TRAPPC13: variants seen among roughly 807,000 people sequenced by gnomAD.
The protein encoded by TRAPPC13 is trafficking protein particle complex subunit 13.
TRAPPC13 carries 39 observed loss-of-function variants against 54.0 expected under a neutral mutation model. The observed-to-expected ratio is 0.72, with a 90% CI of 0.56 to 0.94. The LOEUF (loss-of-function observed/expected upper bound fraction) is 0.94, where lower values mean the gene tolerates loss of function less well. TRAPPC13 is among the 40% of genes least tolerant of loss of function. The pLI is 0.00. For missense variants in TRAPPC13, 386 were observed against 488.1 expected (o/e 0.79, Z 1.97); for synonymous variants, 148 against 167.7 (o/e 0.88, Z 0.91).
intron 3 of TRAPPC13, 90 bp downstream of exon 3, chr5:65,636,133 G>C (rs1426481519): frequency 8.0e-6 from 6 of 748,974 alleles, no homozygotes; most frequent in Non-Finnish European, 1.1e-5. Flanking sequence ...AAATGCTCAT[G>C]ATACATTTAC....
chr5:65,635,429 C>T lies in TRAPPC13; in HGVS notation c.115+60C>T, dbSNP rs144330133. The T allele has an allele frequency of 7.2e-5, 99 of 1,374,836 alleles. No individual in the cohort carries two copies. In the East Asian group the frequency reaches 2.0e-3, roughly 28 times the overall value. 85.2% of individuals were successfully genotyped at this position (1,374,836 alleles called of 1,614,324 possible). A position where few individuals can be genotyped will look rare whatever the true frequency, so the allele number is the denominator to read the frequency against. On this transcript the variant is annotated intron_variant, in intron 2 of 12. Transcript: ENST00000399438. ...GAAAGGTTGAAACCTGAATTGCCTG[C>T]ATTACCTTGGACTAAGCCTAGCCCT...
intron 8 of TRAPPC13, among the ~76,000 whole-genome samples, chr5:65,655,909 ATT>A (rs60010914): frequency 1.3e-5 from 2 of 150,750 alleles, no homozygotes; most frequent in Non-Finnish European, 3.0e-5. Context: ...TCTTCTTTAG[ATT>A]TTTTTTTTAA....
At chr5:65,659,967 CAAAAAAAAAAAAA>C (rs141876171) in intron 9 of TRAPPC13, among the ~76,000 whole-genome samples, 9 of 95,234 alleles carry the variant, frequency 9.5e-5, no homozygotes, top group South Asian at 7.4e-4. Context: ...GTATTTTAAA[CAAAAAAAAAAAAA>C]AAAAAAAAAA....
chr5:65,651,853 T>G (rs865832161), intron 6 of TRAPPC13, among the ~76,000 whole-genome samples: 37 of 37,552 alleles, frequency 9.9e-4, no homozygotes, highest in South Asian at 1.9e-3. Flanking sequence ...TTTTTTTTTT[T>G]TTTTTTTTTT....
chr5:65,629,348 C>A, intron 1 of TRAPPC13: 1 of 617,832 alleles, frequency 1.6e-6, no homozygotes, highest in Non-Finnish European at 2.3e-6. Flanking sequence ...TTACCAATAG[C>A]ACTTTGGTAA....
At chr5:65,639,993 T>C (rs1755903603) in intron 4 of TRAPPC13, among the ~76,000 whole-genome samples, 1 of 152,196 alleles carries the variant, frequency 6.6e-6, no homozygotes, top group African/African-American at 2.4e-5. Context: ...AGTTTTAAAG[T>C]TAACAAGGAC....
intron 6 of TRAPPC13, among the ~76,000 whole-genome samples, 155 bp from the exon 7 acceptor site, chr5:65,652,339 CTTTTTTT>C (rs11354403): frequency 4.3e-5 from 5 of 116,218 alleles, no homozygotes; most frequent in African/African-American, 1.3e-4. Flanking sequence ...TTTTTCTTTT[CTTTTTTT>C]TTTTTTTTTT....
At chr5:65,652,339 C>CTTTTTTTTTTTTTTTT (rs11354403) in intron 6 of TRAPPC13, among the ~76,000 whole-genome samples, 162 bp from the exon 7 acceptor site, 12 of 116,226 alleles carry the variant, frequency 1.0e-4, no homozygotes, top group African/African-American at 3.5e-4. Flanking sequence ...TTTTTCTTTT[C>CTTTTTTTTTTTTTTTT]TTTTTTTTTT....
intron 1 of TRAPPC13, among the ~76,000 whole-genome samples, chr5:65,627,223 C>G (rs757119418): frequency 4.6e-5 from 7 of 150,894 alleles, no homozygotes; most frequent in Non-Finnish European, 1.0e-4. Flanking sequence ...TTTATTAAAC[C>G]TCTTTAGTAC....
At position 65,650,916 on chromosome 5, in the gene TRAPPC13, A is replaced by T. The variant is rs1180334162; in HGVS notation, c.501+34A>T. ...TATGACAATGGTAAATAGTTTTTAT[A>T]TGCCTTTTTCTTCCTGGTAGTATAC... On this transcript the variant is annotated intron_variant, in intron 6 of 12. Coordinates refer to ENST00000399438, the MANE Select transcript of TRAPPC13 (RefSeq NM_024941.4). The T allele has an allele frequency of 7.4e-6, 11 of 1,483,828 alleles. No homozygotes were observed. In the Admixed American group the frequency reaches 1.2e-4, roughly 16 times the overall value. 91.9% of individuals were successfully genotyped at this position (1,483,828 alleles called of 1,614,324 possible).
chr5:65,637,646 GA>G (rs752544267), intron 3 of TRAPPC13, 49 bp from the exon 4 acceptor site: 15 of 907,738 alleles, frequency 1.7e-5, no homozygotes, highest in African/African-American at 7.4e-5. Flanking sequence ...AAAAAAAAAA[GA>G]AAAAAAACCT....
At position 65,647,102 on chromosome 5, in the gene TRAPPC13, T is replaced by C. The variant is rs777454933; in HGVS notation, c.348T>C (p.Asn116=). Residue 116 remains asparagine (N), a synonymous_variant, in exon 5 of 13, where the codon AAT becomes AAC. Coordinates refer to ENST00000399438, the MANE Select transcript of TRAPPC13 (RefSeq NM_024941.4). ...AGCGTTTAAATCTTTCAGCCTCCAA[T>C]GCTGCAGTGGCTGAACTTAAACCGG... The part of the protein sequence containing the change: ...SSQRLNLSAS[N]AAVAELKPDC... The C allele has an allele frequency of 1.3e-6, 2 of 1,561,696 alleles. No homozygotes were observed. Among genetic ancestry groups the C allele is most frequent in the South Asian group, 2.4e-5 (2 of 84,908 alleles).
Position 65,664,524 on chromosome 5 carries a change from AACAG to A in TRAPPC13, c.1171_1174del (p.Asp391HisfsTer3). 6.2e-7 allele frequency: 1 copy of A among 1,611,218 alleles called. No homozygotes were observed. The highest frequency in any genetic ancestry group is 1.1e-5 in the South Asian group (1 of 90,428). ...AATAGAGCATCTCTGGCTTAAGACT[AACAG>A]ACACATTCTTAAAGAGAACATATGA... On this transcript the variant is annotated frameshift_variant, in exon 13 of 13. Transcript: ENST00000399438. LOFTEE classifies it high-confidence loss of function.
chr5:65,625,169 C>A (rs941962174), intron 1 of TRAPPC13, 63 bp downstream of exon 1: 3 of 1,397,798 alleles, frequency 2.1e-6, no homozygotes, highest in Non-Finnish European at 3.1e-6. Context: ...TTATCGAAGC[C>A]TTTGCCATGT....
At chr5:65,650,672 T>G in intron 5 of TRAPPC13, 138 bp from the exon 6 acceptor site, 3 of 624,918 alleles carry the variant, frequency 4.8e-6, no homozygotes, top group Non-Finnish European at 8.5e-6. Context: ...TATTCTGACT[T>G]TTTCCCCTGC....
Position 65,655,870 on chromosome 5 carries a change from A to G in TRAPPC13, c.564+217A>G, listed in dbSNP as rs939692328. Among the ~76,000 whole-genome samples the G allele has an allele frequency of 2.0e-5, 3 of 152,048 alleles. No homozygotes were observed. The East Asian group carries it at 5.8e-4, about 29-fold the overall frequency. On this transcript the variant is annotated intron_variant, in intron 8 of 12. Coordinates refer to ENST00000399438, the MANE Select transcript of TRAPPC13 (RefSeq NM_024941.4). ...AAATTAGCTCAAAAGTTAAATTGTC[A>G]TACTGAAACAATTCTCATTTTCAGT...
At chr5:65,627,701 A>G (rs149364841) in intron 1 of TRAPPC13, among the ~76,000 whole-genome samples, 2 of 152,280 alleles carry the variant, frequency 1.3e-5, no homozygotes, top group East Asian at 3.9e-4. Flanking sequence ...TCAGTGCCAT[A>G]TTTTACAATG....
chr5:65,639,201 C>T (rs940620352), intron 4 of TRAPPC13, among the ~76,000 whole-genome samples: 6 of 152,190 alleles, frequency 3.9e-5, no homozygotes, highest in Non-Finnish European at 7.3e-5. Flanking sequence ...GCCCCTCCCA[C>T]AACACATGGG....
intron 1 of TRAPPC13, among the ~76,000 whole-genome samples, chr5:65,628,495 T>TGG (rs1755353150): frequency 1.3e-5 from 2 of 151,606 alleles, no homozygotes; most frequent in African/African-American, 4.8e-5. Flanking sequence ...AGTCTTGCCC[T>TGG]GTCACCCAGG....
Sources: gnomAD v4.1 joint callset for allele counts (sites outside exome capture counted in the v4.1 genomes callset) on GRCh38, gnomAD v4.1.1 for gene constraint, MANE v1.5 for transcripts, NCBI Gene and HGNC (gene_info 2026-07-23, HGNC 2026-07-21) for gene names.